Variants in LY9 observed in about 807,000 individuals in gnomAD.
LY9 encodes T-lymphocyte surface antigen Ly-9.
LY9 carries 59 observed loss-of-function variants against 64.6 expected under a neutral mutation model. That is an observed-to-expected ratio of 0.91 (90% confidence interval 0.74 to 1.13). LY9 has a LOEUF of 1.13. LY9 is among the 50% of genes most tolerant of loss of function. The pLI, the probability that LY9 is intolerant of heterozygous loss-of-function variation, is 0.00. For missense variants in LY9, 789 were observed against 797.2 expected (o/e 0.99, Z 0.12); for synonymous variants, 281 against 308.5 (o/e 0.91, Z 0.93).
intron 2 of LY9, chr1:160,811,615 T>C (rs1452077573): frequency 1.3e-5 from 2 of 152,238 alleles, no homozygotes; most frequent in Admixed American, 1.3e-4. Context: ...AACATTCTGC[T>C]TTCCACAAAA....
chr1:160,806,260 T>C (rs151201121), intron 2 of LY9, among the ~76,000 whole-genome samples: 183 of 152,324 alleles, frequency 1.2e-3, no homozygotes, highest in African/African-American at 4.4e-3. Context: ...TTCTCTCTTA[T>C]TGTTTGTCAC....
chr1:160,819,259 A>G, intron 6 of LY9, 62 bp from the exon 7 acceptor site: 1 of 1,266,688 alleles, frequency 7.9e-7, no homozygotes. Flanking sequence ...ACTCTCACAG[A>G]ATAAAAGACA....
intron 7 of LY9, among the ~76,000 whole-genome samples, chr1:160,822,103 G>A (rs1269616501): frequency 1.3e-5 from 2 of 152,160 alleles, no homozygotes; most frequent in African/African-American, 4.8e-5. Context: ...TATGTTGTCT[G>A]AGATATAAAC....
chr1:160,817,051 C>G (rs1374293947), intron 5 of LY9, among the ~76,000 whole-genome samples, 188 bp downstream of exon 5: 3 of 152,088 alleles, frequency 2.0e-5, no homozygotes, highest in African/African-American at 4.8e-5. Flanking sequence ...TTAGAAAAAG[C>G]AAGAAGAAAT....
intron 2 of LY9, among the ~76,000 whole-genome samples, chr1:160,804,971 T>C (rs1483017287): frequency 6.6e-6 from 1 of 152,126 alleles, no homozygotes; most frequent in African/African-American, 2.4e-5. Flanking sequence ...TCTGATTTTG[T>C]TTATTTGGGT....
At position 160,796,852 on chromosome 1, in the gene LY9, T is replaced by G. The variant is rs146349364; in HGVS notation, c.124+541T>G. Among the ~76,000 whole-genome samples, 14 of 152,288 alleles carry G rather than the reference T, an allele frequency of 9.2e-5. No individual in the cohort carries two copies. In the East Asian group the frequency reaches 2.7e-3, roughly 29 times the overall value. ...TTCCTAAGAAATGCCAAGTATATAA[T>G]GAGTTTGTTCCCTGTATGGTGTGGA... is the stretch of plus-strand genomic sequence containing the variant. On this transcript the variant is annotated intron_variant, in intron 1 of 9. Transcript: ENST00000263285.
rs768514092 is a variant in LY9 at position 160,799,918 on chromosome 1, C to G, written c.290C>G (p.Thr97Ser). The change falls in exon 2 of 10, where the codon ACC (threonine) becomes AGC (serine). Residue 97 changes from threonine to serine, a missense_variant. Thr to Ser is a moderately conservative substitution (Grantham distance 58). Coordinates refer to ENST00000263285, the MANE Select transcript of LY9 (RefSeq NM_002348.4). ...LAFARPKENV[T>S]IMVKSYLGRL... ...TTCGCACGTCCCAAAGAAAATGTAA[C>G]CATTATGGTCAAAAGCTACCTGGGC... 16 of 1,613,772 alleles carry G rather than the reference C, an allele frequency of 9.9e-6. No homozygotes were observed. Among genetic ancestry groups the G allele is most frequent in the Non-Finnish European group, 1.2e-5 (14 of 1,179,718 alleles).
chr1:160,801,996 G>A, intron 2 of LY9: 1 of 1,555,650 alleles, frequency 6.4e-7, no homozygotes, highest in Non-Finnish European at 8.7e-7. Flanking sequence ...GAAGGGTCCT[G>A]CCGATGGGAC....
chr1:160,813,690 TCTC>T lies in LY9; in HGVS notation c.512_514del (p.Ser171del), dbSNP rs141483008. On this transcript the variant is annotated inframe_deletion, in exon 3 of 10. Coordinates refer to ENST00000263285, the MANE Select transcript of LY9 (RefSeq NM_002348.4). Reference sequence around the variant, plus strand: ...AAGTCTGTGAAGGTGTCTGAGAACTTCTCCTGTAACATCACTCTAATGTGCTCC... The same window carrying T: ...AAGTCTGTGAAGGTGTCTGAGAACTTCTGTAACATCACTCTAATGTGCTCC... The T allele has an allele frequency of 1.7e-3, 2,726 of 1,614,116 alleles. 39 individuals are homozygous for T. The African/African-American group carries it at 0.03, about 18-fold the overall frequency.
chr1:160,820,128 A>G (rs1668297631), intron 7 of LY9, among the ~76,000 whole-genome samples: 1 of 152,230 alleles, frequency 6.6e-6, no homozygotes, highest in Non-Finnish European at 1.5e-5. Context: ...TATTGTCTCC[A>G]TTCTGAGAAC....
intron 2 of LY9, chr1:160,800,354 A>G (rs1666336244): frequency 2.9e-6 from 1 of 344,630 alleles, no homozygotes; most frequent in Non-Finnish European, 5.3e-6. Flanking sequence ...CACTCCCCAC[A>G]CTCACCCTTC....
intron 2 of LY9, among the ~76,000 whole-genome samples, chr1:160,801,278 A>T (rs1666449896): frequency 6.6e-6 from 1 of 152,066 alleles, no homozygotes; most frequent in Non-Finnish European, 1.5e-5. Context: ...ATAATATCTC[A>T]TTGTGATTTT....
At position 160,823,512 on chromosome 1, in the gene LY9, G is replaced by A; in HGVS notation, c.1546G>A (p.Glu516Lys). The A allele has an allele frequency of 1.2e-6, 2 of 1,614,164 alleles. No homozygotes were observed. The highest frequency in any genetic ancestry group is 1.7e-6 in the Non-Finnish European group (2 of 1,180,012). The change falls in exon 8 of 10, where the codon GAG becomes AAG. Residue 516 changes from glutamate to lysine, a missense_variant. By Grantham distance (56) the Glu-to-Lys change is moderately conservative. Transcript: ENST00000263285. ...ATACTCTGTGCTCTCCCAAGGATAT[G>A]AGAAGCTGGACACTCCCCTCAGGCC... ...TLYSVLSQGY[E>K]KLDTPLRPAR...
intron 2 of LY9, among the ~76,000 whole-genome samples, chr1:160,805,010 G>A (rs2101758846): frequency 6.6e-6 from 1 of 152,022 alleles, no homozygotes; most frequent in Non-Finnish European, 1.5e-5. Flanking sequence ...AATTAGCCTA[G>A]CTAGCAGGTT....
chr1:160,813,844 C>T lies in LY9; in HGVS notation c.663C>T (p.Ile221=), dbSNP rs1307293313. The change falls in exon 3 of 10, where the codon ATC becomes ATT. Residue 221 remains isoleucine, a synonymous_variant. Coordinates refer to ENST00000263285, the MANE Select transcript of LY9 (RefSeq NM_002348.4). ...RTPCDPDLPY[I]CTAQNPVSQR... The stretch of plus-strand genomic sequence containing the variant: ...CATGTGACCCAGACCTGCCATACAT[C>T]TGCACAGCCCAGAACCCCGTCAGCC... 6.2e-7 allele frequency: 1 copy of T among 1,614,212 alleles called. No homozygotes were observed. The highest frequency in any genetic ancestry group is 1.7e-5 in the Admixed American group (1 of 60,032).
intron 7 of LY9, among the ~76,000 whole-genome samples, chr1:160,820,842 GTT>G (rs34903114): frequency 1.8e-4 from 26 of 145,634 alleles, no homozygotes; most frequent in African/African-American, 6.0e-4. Flanking sequence ...TAATTGAATA[GTT>G]TTTTTTTTTT....
chr1:160,804,731 TG>T (rs1419678040), intron 2 of LY9, among the ~76,000 whole-genome samples: 6 of 152,354 alleles, frequency 3.9e-5, no homozygotes, highest in African/African-American at 1.4e-4. Flanking sequence ...TTTTCTCTGT[TG>T]GGAGACTTTT....
chr1:160,799,581 T>G, intron 1 of LY9, 172 bp from the exon 2 acceptor site: 1 of 568,916 alleles, frequency 1.8e-6, no homozygotes, highest in East Asian at 2.9e-5. Flanking sequence ...GTTTGGGGAA[T>G]GGAGGAATTA....
At chr1:160,802,988 A>G (rs1666646217) in intron 2 of LY9, among the ~76,000 whole-genome samples, 1 of 151,182 alleles carries the variant, frequency 6.6e-6, no homozygotes, top group Non-Finnish European at 1.5e-5. Flanking sequence ...ATATTTTAGG[A>G]TTTTTTTTTC....
Sources: allele counts gnomAD v4.1 joint callset (sites outside exome capture counted in the v4.1 genomes callset), GRCh38; gene constraint gnomAD v4.1.1; transcripts MANE v1.5; gene names NCBI Gene and HGNC (gene_info 2026-07-23, HGNC 2026-07-21).